Variants in HOMER2 observed in about 807,000 individuals in gnomAD.
HOMER2 encodes the protein homer scaffold protein 2, also known as homer protein homolog 2.
A neutral mutation model predicts 47.0 loss-of-function variants in HOMER2; 27 were observed. That is an observed-to-expected ratio of 0.57 (90% CI 0.42 to 0.79). HOMER2 has a LOEUF of 0.79. Among genes scored for constraint, HOMER2 ranks in the 30% least tolerant of loss-of-function variants. The pLI, the probability that HOMER2 is intolerant of heterozygous loss-of-function variation, is 0.00. For synonymous variants in HOMER2, 161 were observed against 163.8 expected, an observed-to-expected ratio of 0.98 and a Z score of 0.13; for missense variants, 443 against 435.0, an observed-to-expected ratio of 1.02 and a Z score of -0.16.
intron 1 of HOMER2, among the ~76,000 whole-genome samples, chr15:82,920,295 C>T (rs1284998835): frequency 6.6e-6 from 1 of 152,170 alleles, no homozygotes. Context: ...TTACTTTCCC[C>T]CTTATACTTG....
chr15:82,876,328 T>G (rs976446186), intron 2 of HOMER2, among the ~76,000 whole-genome samples: 2 of 152,242 alleles, frequency 1.3e-5, no homozygotes, highest in African/African-American at 2.4e-5. Flanking sequence ...CATGGTACTT[T>G]TATTCATTCA....
intron 1 of HOMER2, among the ~76,000 whole-genome samples, chr15:82,900,036 A>G (rs2053060463): frequency 1.3e-5 from 2 of 152,172 alleles, no homozygotes; most frequent in South Asian, 4.1e-4. Flanking sequence ...AAAATAAAAA[A>G]TATATAATAA....
chr15:82,839,308 T>A (rs552986568), exon 2 of HOMER2: 1 of 152,136 alleles, frequency 6.6e-6, no homozygotes, highest in African/African-American at 2.4e-5. Context: ...TCCCTAAGCA[T>A]GGGGTTGCCC....
intron 1 of HOMER2, among the ~76,000 whole-genome samples, chr15:82,983,896 C>T (rs1175552499): frequency 6.6e-6 from 1 of 151,340 alleles, no homozygotes; most frequent in Admixed American, 6.6e-5. Context: ...CCAGCTCCTT[C>T]CCTGATTTCT....
intron 1 of HOMER2, among the ~76,000 whole-genome samples, chr15:82,903,349 T>C (rs111808417): frequency 0.01 from 1,542 of 151,966 alleles, 31 homozygotes; most frequent in African/African-American, 0.036. Flanking sequence ...GCGGTGGCTC[T>C]CGCCTGTAAT....
At position 82,902,197 on chromosome 15, in the gene HOMER2, A is replaced by ATTTTT. The variant is rs35594463; in HGVS notation, c.6-9361_6-9357dup. ...CTAAGAACTGGAAAACATCCAAGTG[A>ATTTTT]TTTTTTTTTTTTTTTTTTGAGACCG... is the stretch of plus-strand genomic sequence containing the variant. On this transcript the variant is annotated intron_variant, in intron 1 of 8. Coordinates refer to ENST00000450735, the MANE Select transcript of HOMER2 (RefSeq NM_004839.4). 8.5e-3 allele frequency among the ~76,000 whole-genome samples: 1,146 copies of ATTTTT among 135,026 alleles called. 44 individuals are homozygous for ATTTTT. Among genetic ancestry groups the ATTTTT allele is most frequent in the South Asian group, 0.051 (212 of 4,142 alleles). The allele number at this position is 135,026 out of a possible 152,430, so 88.6% of individuals were successfully genotyped here.
intron 1 of HOMER2, among the ~76,000 whole-genome samples, chr15:82,984,626 TG>T (rs1462757550): frequency 6.6e-6 from 1 of 152,126 alleles, no homozygotes; most frequent in Non-Finnish European, 1.5e-5. Flanking sequence ...GAGACCAGAC[TG>T]GGCAATACTG....
exon 2 of HOMER2, chr15:82,839,397 T>G (rs994671577): frequency 6.6e-6 from 1 of 152,218 alleles, no homozygotes; most frequent in Non-Finnish European, 1.5e-5. Flanking sequence ...CCACTTATGC[T>G]TTGGTTCAGG....
At chr15:82,945,774 T>G (rs764938596) in intron 1 of HOMER2, among the ~76,000 whole-genome samples, 5 of 152,070 alleles carry the variant, frequency 3.3e-5, no homozygotes, top group East Asian at 1.9e-4. Flanking sequence ...ATCGAGACCA[T>G]CCTGGCTAAC....
chr15:82,837,918 G>T (rs561170527), exon 2 of HOMER2: 23 of 152,394 alleles, frequency 1.5e-4, no homozygotes, highest in African/African-American at 5.3e-4. Context: ...TGAAAAGGAC[G>T]ATGGAAGAGG....
chr15:82,874,193 T>C, intron 3 of HOMER2, among the ~76,000 whole-genome samples: 1 of 152,212 alleles, frequency 6.6e-6, no homozygotes, highest in Non-Finnish European at 1.5e-5. Flanking sequence ...GTCCAGCCAG[T>C]CAGTCAGATG....
At chr15:82,980,857 C>G (rs559745784) in intron 1 of HOMER2, among the ~76,000 whole-genome samples, 3 of 152,190 alleles carry the variant, frequency 2.0e-5, no homozygotes, top group South Asian at 4.1e-4. Context: ...GTGGAGTACT[C>G]AAGGGCAGAA....
intron 1 of HOMER2, among the ~76,000 whole-genome samples, chr15:82,918,104 G>C (rs1041345756): frequency 1.3e-5 from 2 of 152,076 alleles, no homozygotes; most frequent in Admixed American, 6.5e-5. Context: ...AGGCAGCATT[G>C]CCCGAGCCGC....
rs955228330 is a variant in HOMER2 at position 82,964,095 on chromosome 15, T to C, written n.83-4787A>G. Among the ~76,000 whole-genome samples the C allele has an allele frequency of 4.6e-5, 7 of 152,248 alleles. 1 individual carries two copies. In the South Asian group the frequency reaches 6.2e-4, roughly 13 times the overall value. ...ACCTTTAGATCCAGCTGGGTCATTT[T>C]ATAGAAATAACTTGGGCAATTTATA... On this transcript the variant is annotated intron_variant and non_coding_transcript_variant, in intron 1 of 1. Transcript: ENST00000500334.
chr15:82,899,214 C>A (rs1020701692), intron 1 of HOMER2, among the ~76,000 whole-genome samples: 1 of 152,260 alleles, frequency 6.6e-6, no homozygotes, highest in African/African-American at 2.4e-5. Flanking sequence ...TGTACTTTCA[C>A]ACATCCCAGC....
Position 82,978,272 on chromosome 15 carries a change from C to A in HOMER2, n.82+7515G>T, listed in dbSNP as rs1462607129. ...TTGCTAAAGATGTGAAAGACATGGCCTTACCCTCAAGGAGTTTATAATTTA... is the reference window on the plus strand; with the variant it reads ...TTGCTAAAGATGTGAAAGACATGGCATTACCCTCAAGGAGTTTATAATTTA... On this transcript the variant is annotated intron_variant and non_coding_transcript_variant, in intron 1 of 1. Transcript: ENST00000500334. 2.0e-5 allele frequency among the ~76,000 whole-genome samples: 3 copies of A among 152,186 alleles called. No homozygotes were observed. The East Asian group carries it at 5.8e-4, about 29-fold the overall frequency.
intron 1 of HOMER2, among the ~76,000 whole-genome samples, chr15:82,927,443 C>A (rs1270781488): frequency 2.0e-5 from 3 of 152,088 alleles, no homozygotes; most frequent in African/African-American, 7.2e-5. Flanking sequence ...TTACCTAGGA[C>A]GGAGGAGCTT....
intron 1 of HOMER2, among the ~76,000 whole-genome samples, chr15:82,923,686 C>T (rs1483514338): frequency 2.0e-5 from 3 of 152,064 alleles, no homozygotes; most frequent in Non-Finnish European, 4.4e-5. Context: ...TGTTCTCCTC[C>T]CATGCACGCA....
Position 82,892,730 on chromosome 15 carries a change from A to G in HOMER2, c.117T>C (p.Asp39=). The change falls in exon 2 of 9, where the codon GAT becomes GAC. Residue 39 remains aspartate (D), a synonymous_variant. Transcript: ENST00000450735. The part of the protein sequence containing the change: ...KQAVTVSYFY[D]VTRNSYRIIS... Reference sequence around the variant, plus strand: ...TGATCCGATAGCTGTTCCTTGTGACATCATAGAAGTAGGAAACGGTGACCG... The same window carrying G: ...TGATCCGATAGCTGTTCCTTGTGACGTCATAGAAGTAGGAAACGGTGACCG... 1 of 1,604,014 alleles carries G rather than the reference A, an allele frequency of 6.2e-7. No individual in the cohort carries two copies. The highest frequency in any genetic ancestry group is 8.5e-7 in the Non-Finnish European group (1 of 1,172,930).
Sources: allele counts gnomAD v4.1 joint callset (sites outside exome capture counted in the v4.1 genomes callset), GRCh38; gene constraint gnomAD v4.1.1; transcripts MANE v1.5; gene names NCBI Gene and HGNC (gene_info 2026-07-23, HGNC 2026-07-21).